RNF17: variants seen among roughly 807,000 people sequenced by gnomAD.
The protein encoded by RNF17 is spermatogenesis associated 23.
Under a neutral mutation model 200.5 loss-of-function variants are expected in RNF17, and 31 were observed. That is an observed-to-expected ratio of 0.15 (90% CI 0.12 to 0.21). RNF17 has a LOEUF of 0.21. RNF17 is among the 10% of genes least tolerant of loss of function. The pLI, the probability that RNF17 is intolerant of heterozygous loss-of-function variation, is 1.00. For synonymous variants in RNF17, 606 were observed against 637.8 expected, an observed-to-expected ratio of 0.95 and a Z score of 0.75; for missense variants, 1,628 against 1,905.1, an observed-to-expected ratio of 0.85 and a Z score of 2.71.
intron 7 of RNF17, among the ~76,000 whole-genome samples, chr13:24,788,468 G>C (rs951451563): frequency 3.9e-5 from 6 of 151,928 alleles, no homozygotes; most frequent in Non-Finnish European, 8.8e-5. Context: ...GAAAGTTTAG[G>C]TTTCTAGGAC....
chr13:24,875,682 A>G (rs2138460541), intron 33 of RNF17, among the ~76,000 whole-genome samples: 1 of 152,358 alleles, frequency 6.6e-6, no homozygotes, highest in Middle Eastern at 3.4e-3. Flanking sequence ...CAGAGGAAGC[A>G]TGACTTTCCC....
chr13:24,768,487 T>A (rs1173690803), intron 2 of RNF17, among the ~76,000 whole-genome samples: 1 of 152,070 alleles, frequency 6.6e-6, no homozygotes, highest in Non-Finnish European at 1.5e-5. Context: ...GGTTTCACCA[T>A]ATTAGCCAGG....
chr13:24,764,467 T>G, intron 1 of RNF17, 134 bp downstream of exon 1: 2 of 1,278,658 alleles, frequency 1.6e-6, no homozygotes, highest in Non-Finnish European at 2.1e-6. Context: ...GTCACAGGCC[T>G]CCCGCGAGCT....
intron 13 of RNF17, among the ~76,000 whole-genome samples, chr13:24,801,188 TTC>T (rs996164034): frequency 6.6e-6 from 1 of 152,194 alleles, no homozygotes; most frequent in African/African-American, 2.4e-5. Context: ...GTTTTTAATT[TTC>T]TCTTTTTTAA....
At chr13:24,794,945 C>G (rs1219800564) in intron 10 of RNF17, among the ~76,000 whole-genome samples, 1 of 152,132 alleles carries the variant, frequency 6.6e-6, no homozygotes, top group Non-Finnish European at 1.5e-5. Context: ...CTCAAAACTC[C>G]TGTCCTCAAG....
chr13:24,796,051 T>C (rs1884530614), intron 10 of RNF17, 86 bp from the exon 11 acceptor site: 1 of 1,042,248 alleles, frequency 9.6e-7, no homozygotes, highest in Non-Finnish European at 1.4e-6. Context: ...TAAGACACTC[T>C]TTTAGAGGCT....
At chr13:24,789,310 A>G (rs766181283) in intron 7 of RNF17, 38 bp from the exon 8 acceptor site, 4 of 1,323,086 alleles carry the variant, frequency 3.0e-6, no homozygotes, top group Non-Finnish European at 4.3e-6. Flanking sequence ...TATTTGTGAC[A>G]AGATTCACAC....
At chr13:24,785,448 TTTAA>T (rs1423060615) in intron 6 of RNF17, among the ~76,000 whole-genome samples, 1 of 152,250 alleles carries the variant, frequency 6.6e-6, no homozygotes. Context: ...GATTTCAATC[TTTAA>T]GTTTATTAAG....
In RNF17 at chr13:24,789,769, C is replaced by T. The variant is rs369578539; in HGVS notation, c.932C>T (p.Thr311Ile). ...NMGKIEFRDSTKCYPQENEIR... is the reference protein window; with the variant it reads ...NMGKIEFRDSIKCYPQENEIR... ...GGAAAGATTGAATTTAGGGACTCAACAAAGTAAGTATTTATAAGCATGGTA... is the reference window on the plus strand; with the variant it reads ...GGAAAGATTGAATTTAGGGACTCAATAAAGTAAGTATTTATAAGCATGGTA... Residue 311 changes from threonine to isoleucine, a missense_variant, in exon 9 of 36, where the codon ACA (threonine) becomes ATA (isoleucine). By Grantham distance (89) the Thr-to-Ile change is moderately conservative (BLOSUM62 -1). Coordinates refer to ENST00000255324, the MANE Select transcript of RNF17 (RefSeq NM_031277.3). 5 of 1,549,130 alleles carry T rather than the reference C, an allele frequency of 3.2e-6. No individual in the cohort carries two copies. In the African/African-American group the frequency reaches 5.4e-5, roughly 17 times the overall value.
At chr13:24,865,327 C>A (rs957010019) in intron 29 of RNF17, among the ~76,000 whole-genome samples, 2 of 152,156 alleles carry the variant, frequency 1.3e-5, no homozygotes, top group African/African-American at 2.4e-5. Context: ...AGGGCTCTTG[C>A]TCCAGATAAA....
At chr13:24,883,167 A>T (rs370679181), downstream of RNF17, 1 of 1,611,600 alleles carries the variant, frequency 6.2e-7, no homozygotes. Context: ...TCATGATCAC[A>T]TGAGGATCGT....
chr13:24,804,363 A>G lies in RNF17; in HGVS notation c.2025A>G (p.Lys675=). Reference sequence around the variant, plus strand: ...ACTATCATCCACCTATTTTGCCTAAAGAAATGACAGATGTTTCAGTAACGG... The same window carrying G: ...ACTATCATCCACCTATTTTGCCTAAGGAAATGACAGATGTTTCAGTAACGG... ...TLHYHPPILP[K]EMTDVSVTVC... is the part of the protein sequence containing the mutation. The change falls in exon 15 of 36, where the codon AAA becomes AAG. Residue 675 remains lysine (K), a synonymous_variant. Transcript: ENST00000255324. The G allele has an allele frequency of 6.2e-7, 1 of 1,613,072 alleles. No homozygotes were observed. The highest frequency in any genetic ancestry group is 8.5e-7 in the Non-Finnish European group (1 of 1,179,034).
chr13:24,823,604 C>A (rs762587795), intron 15 of RNF17, among the ~76,000 whole-genome samples: 19 of 152,012 alleles, frequency 1.2e-4, no homozygotes, highest in Admixed American at 2.6e-4. Context: ...TTGGTGGGCA[C>A]TTCTTCACCA....
rs542691584 is a variant in RNF17, at chr13:24,831,183, G to A, written c.2361+584G>A. ...AGGTTGGGCGCAGTGGCTCATGCCTGTAATCCCAGAACTTTGGGAGGCCGA... is the reference window on the plus strand; with the variant it reads ...AGGTTGGGCGCAGTGGCTCATGCCTATAATCCCAGAACTTTGGGAGGCCGA... On this transcript the variant is annotated intron_variant, in intron 17 of 35. Coordinates refer to ENST00000255324, the MANE Select transcript of RNF17 (RefSeq NM_031277.3). Among the ~76,000 whole-genome samples the A allele has an allele frequency of 1.9e-3, 282 of 151,376 alleles. 1 individual carries two copies. The highest frequency in any genetic ancestry group is 6.5e-3 in the African/African-American group (268 of 41,080).
intron 34 of RNF17, among the ~76,000 whole-genome samples, chr13:24,878,818 C>G (rs1487039213): frequency 6.6e-6 from 1 of 151,632 alleles, no homozygotes; most frequent in Non-Finnish European, 1.5e-5. Flanking sequence ...AGAAATGCTT[C>G]ACCAGCCATT....
chr13:24,777,341 C>G (rs1487035054), intron 3 of RNF17, among the ~76,000 whole-genome samples: 1 of 152,222 alleles, frequency 6.6e-6, no homozygotes, highest in Non-Finnish European at 1.5e-5. Flanking sequence ...TCAGCAAACA[C>G]TAGTTACTGT....
chr13:24,887,038 CTG>C, the RNF17 span, among the ~76,000 whole-genome samples: 4 of 152,030 alleles, frequency 2.6e-5, no homozygotes, highest in Non-Finnish European at 5.9e-5. Flanking sequence ...AACAGGAAAA[CTG>C]GGGACAGTGG....
chr13:24,861,150 A>AT (rs1322030262), intron 26 of RNF17, 118 bp from the exon 27 acceptor site: 2 of 780,556 alleles, frequency 2.6e-6, no homozygotes, highest in African/African-American at 3.7e-5. Flanking sequence ...GAGTGCTGGG[A>AT]TTATAGGCAT....
At chr13:24,877,265 C>G in intron 34 of RNF17, 79 bp downstream of exon 34, 1 of 1,151,382 alleles carries the variant, frequency 8.7e-7, no homozygotes, top group Non-Finnish European at 1.3e-6. Flanking sequence ...TTCTATGCAG[C>G]GTCTACATGC....
Sources: allele counts gnomAD v4.1 joint callset (sites outside exome capture counted in the v4.1 genomes callset), GRCh38; gene constraint gnomAD v4.1.1; transcripts MANE v1.5; gene names NCBI Gene and HGNC (gene_info 2026-07-23, HGNC 2026-07-21).